The following RALA variants were observed in gnomAD, a reference collection of about 807,000 sequenced individuals.
RALA encodes RAS like proto-oncogene A.
A neutral mutation model predicts 24.0 loss-of-function variants in RALA; 5 were observed. The observed-to-expected ratio is 0.21, with a 90% CI of 0.11 to 0.44. The LOEUF (loss-of-function observed/expected upper bound fraction) is 0.44. Ranked by LOEUF, RALA falls within the 20% of genes least tolerant of loss-of-function variation. The probability of loss-of-function intolerance (pLI) is 0.99; values close to 1 mark genes in which losing one functional copy is unlikely to be tolerated. For missense variants in RALA, 95 were observed against 241.2 expected (o/e 0.39, Z 4.01); for synonymous variants, 77 against 83.8 (o/e 0.92, Z 0.44).
rs183990118 is a variant in RALA at position 39,680,353 on chromosome 7, G to A, written c.-37-6278G>A. On this transcript the variant is annotated intron_variant, in intron 1 of 4. Transcript: ENST00000005257. ...ATCGCACCATTGCACTCCAGCCTGGGCAACAAGAGTGAGACTCTGTCTCAA... is the reference window on the plus strand; with the variant it reads ...ATCGCACCATTGCACTCCAGCCTGGACAACAAGAGTGAGACTCTGTCTCAA... 4.0e-3 allele frequency among the ~76,000 whole-genome samples: 606 copies of A among 149,838 alleles called. 10 individuals carry two copies. Among genetic ancestry groups the A allele is most frequent in the African/African-American group, 0.014 (575 of 40,614 alleles).
chr7:39,663,874 G>A (rs905675050), intron 1 of RALA, among the ~76,000 whole-genome samples: 1 of 152,116 alleles, frequency 6.6e-6, no homozygotes, highest in Non-Finnish European at 1.5e-5. Flanking sequence ...ACAACTTAAA[G>A]CAAAAGGAAG....
At chr7:39,651,514 G>A (rs1227847554) in intron 1 of RALA, among the ~76,000 whole-genome samples, 2 of 152,050 alleles carry the variant, frequency 1.3e-5, no homozygotes, top group African/African-American at 4.8e-5. Context: ...GCAGCTATTT[G>A]TGACAGTTTG....
At chr7:39,626,983 G>A (rs1443343167) in intron 1 of RALA, among the ~76,000 whole-genome samples, 8 of 93,690 alleles carry the variant, frequency 8.5e-5, no homozygotes, top group African/African-American at 4.2e-4. Flanking sequence ...TTCAGTGCTG[G>A]TAGAATTCTC....
intron 1 of RALA, among the ~76,000 whole-genome samples, chr7:39,661,334 A>G (rs1022831673): frequency 6.6e-6 from 1 of 152,136 alleles, no homozygotes; most frequent in Non-Finnish European, 1.5e-5. Flanking sequence ...CAGTCCCTCA[A>G]AGTCTTAACT....
At chr7:39,648,221 G>C (rs1372270471) in intron 1 of RALA, among the ~76,000 whole-genome samples, 2 of 152,128 alleles carry the variant, frequency 1.3e-5, no homozygotes, top group South Asian at 2.1e-4. Context: ...GGTCTTCAGA[G>C]GTTTGTAGTG....
At chr7:39,679,393 T>C (rs545775797) in intron 1 of RALA, among the ~76,000 whole-genome samples, 150 of 152,336 alleles carry the variant, frequency 9.8e-4, no homozygotes, top group African/African-American at 3.5e-3. Context: ...AAGGGGGCTC[T>C]GGTTTGCTGG....
Position 39,688,489 on chromosome 7 carries a change from A to G in RALA, c.114+1708A>G, listed in dbSNP as rs138970400. On this transcript the variant is annotated intron_variant, in intron 2 of 4. Transcript: ENST00000005257. ...TTGAATTCTTTGTTTCATACTGTTT[A>G]TTTAAGAGCTAATCTTCTCTCAGAC... Among the ~76,000 whole-genome samples, 170 of 151,940 alleles carry G rather than the reference A, an allele frequency of 1.1e-3. 1 individual carries two copies. Among genetic ancestry groups the G allele is most frequent in the Middle Eastern group, 0.01 (3 of 294 alleles).
intron 4 of RALA, among the ~76,000 whole-genome samples, chr7:39,699,963 A>G (rs960328485): frequency 6.6e-6 from 1 of 152,106 alleles, no homozygotes; most frequent in African/African-American, 2.4e-5. Flanking sequence ...CAGAGAATAC[A>G]GCAGGATGTG....
intron 4 of RALA, among the ~76,000 whole-genome samples, chr7:39,698,302 C>T (rs1396067607): frequency 3.9e-5 from 6 of 152,272 alleles, no homozygotes; most frequent in East Asian, 3.9e-4. Flanking sequence ...AGCATTCAGT[C>T]CATAGCATGC....
At chr7:39,636,742 A>T (rs545335791) in intron 1 of RALA, among the ~76,000 whole-genome samples, 1 of 152,332 alleles carries the variant, frequency 6.6e-6, no homozygotes, top group East Asian at 1.9e-4. Context: ...AGAGTTCTGC[A>T]AACTTAACAA....
chr7:39,688,137 T>TTA lies in RALA; in HGVS notation c.114+1357_114+1358dup, dbSNP rs574079113. Reference sequence around the variant, plus strand: ...TTAAATCTGTCAGTTGCCATGCTTGTTAGTGAGCGAATTAAAAAGTTTAGG... The same window carrying TTA: ...TTAAATCTGTCAGTTGCCATGCTTGTTATAGTGAGCGAATTAAAAAGTTTAGG... On this transcript the variant is annotated intron_variant, in intron 2 of 4. Transcript: ENST00000005257. Among the ~76,000 whole-genome samples, 22 of 152,250 alleles carry TTA rather than the reference T, an allele frequency of 1.4e-4. 2 individuals carry two copies. In the South Asian group the frequency reaches 4.6e-3, roughly 32 times the overall value.
chr7:39,670,333 G>A (rs1324321385), intron 1 of RALA, among the ~76,000 whole-genome samples: 1 of 152,136 alleles, frequency 6.6e-6, no homozygotes, highest in Non-Finnish European at 1.5e-5. Flanking sequence ...TTTTTGTAGA[G>A]ACAAAGTCTC....
chr7:39,699,359 C>G (rs1304119764), intron 4 of RALA, among the ~76,000 whole-genome samples: 1 of 151,208 alleles, frequency 6.6e-6, no homozygotes, highest in African/African-American at 2.4e-5. Context: ...CCAGGATGGT[C>G]TTGATCTCCT....
chr7:39,653,387 C>A (rs1337690567), intron 1 of RALA, among the ~76,000 whole-genome samples: 1 of 152,142 alleles, frequency 6.6e-6, no homozygotes, highest in Non-Finnish European at 1.5e-5. Context: ...AGTACAGTGG[C>A]ACAGTCATGT....
intron 1 of RALA, among the ~76,000 whole-genome samples, chr7:39,626,064 T>C (rs1044323289): frequency 3.9e-5 from 6 of 152,248 alleles, no homozygotes; most frequent in Non-Finnish European, 7.3e-5. Context: ...GGAGACAGTT[T>C]ATGATTTTCA....
At chr7:39,669,857 A>G (rs982986006) in intron 1 of RALA, among the ~76,000 whole-genome samples, 2 of 150,988 alleles carry the variant, frequency 1.3e-5, no homozygotes, top group Admixed American at 1.3e-4. Context: ...TCACTATTCT[A>G]ATACATGGTT....
At chr7:39,683,682 T>A (rs1183667365) in intron 1 of RALA, among the ~76,000 whole-genome samples, 1 of 152,200 alleles carries the variant, frequency 6.6e-6, no homozygotes, top group East Asian at 1.9e-4. Context: ...TAGTCTGGAA[T>A]GTGCAGCTCA....
In RALA at chr7:39,650,275, T is replaced by C. The variant is rs376228106; in HGVS notation, c.-38+26450T>C. On this transcript the variant is annotated intron_variant, in intron 1 of 4. Coordinates refer to ENST00000005257, the MANE Select transcript of RALA (RefSeq NM_005402.4). ...CCCAGCTCTGGAGCCAAATTCAGCC[T>C]GCTGCCTGTTTTTAAAATAAAGTTT... 6.6e-5 allele frequency among the ~76,000 whole-genome samples: 10 copies of C among 152,312 alleles called. No homozygotes were observed. The East Asian group carries it at 1.5e-3, about 24-fold the overall frequency.
intron 3 of RALA, among the ~76,000 whole-genome samples, chr7:39,694,894 AAG>A (rs2116093564): frequency 6.6e-6 from 1 of 151,952 alleles, no homozygotes; most frequent in South Asian, 2.1e-4. Flanking sequence ...AAAAGAAAAA[AAG>A]AAAAAAAAAT....
Sources: allele counts gnomAD v4.1 joint callset (sites outside exome capture counted in the v4.1 genomes callset), GRCh38; gene constraint gnomAD v4.1.1; transcripts MANE v1.5; gene names NCBI Gene and HGNC (gene_info 2026-07-23, HGNC 2026-07-21).